The following ITPK1 variants were observed in gnomAD, a reference collection of about 807,000 sequenced individuals.
ITPK1 encodes inositol 1,3,4-trisphosphate 5/6-kinase.
Under a neutral mutation model 45.3 loss-of-function variants are expected in ITPK1, and 21 were observed. The ratio of observed to expected loss-of-function variants is 0.46; its 90% CI spans 0.33 to 0.67. The LOEUF is 0.67. ITPK1 is among the 30% of genes least tolerant of loss of function. The pLI is 0.02. For missense variants in ITPK1, 474 were observed against 573.5 expected (o/e 0.83, Z 1.77); for synonymous variants, 258 against 253.6 (o/e 1.02, Z -0.16).
intron 4 of ITPK1, among the ~76,000 whole-genome samples, chr14:93,013,161 C>T (rs1363517542): frequency 6.6e-6 from 1 of 152,228 alleles, no homozygotes; most frequent in Non-Finnish European, 1.5e-5. Context: ...AGAACCAAAC[C>T]TCAGGCAGAG....
chr14:93,103,981 G>T (rs929856047), intron 2 of ITPK1, among the ~76,000 whole-genome samples: 1 of 152,212 alleles, frequency 6.6e-6, no homozygotes, highest in Non-Finnish European at 1.5e-5. Flanking sequence ...GAGGCCCCAG[G>T]CCCTGCCTTG....
intron 4 of ITPK1, among the ~76,000 whole-genome samples, chr14:93,000,685 G>C (rs1259563767): frequency 6.6e-6 from 1 of 152,188 alleles, no homozygotes; most frequent in African/African-American, 2.4e-5. Context: ...TAGTGAACTC[G>C]ACATATCACT....
At chr14:92,975,255 C>T (rs754154106) in intron 5 of ITPK1, among the ~76,000 whole-genome samples, 1 of 152,378 alleles carries the variant, frequency 6.6e-6, no homozygotes, top group Non-Finnish European at 1.5e-5. Context: ...GAGCCTTGCT[C>T]GGTTTCTCAA....
At chr14:92,981,682 T>C (rs1028091980) in intron 5 of ITPK1, among the ~76,000 whole-genome samples, 2 of 152,202 alleles carry the variant, frequency 1.3e-5, no homozygotes, top group African/African-American at 4.8e-5. Context: ...CCCTGACCTG[T>C]CATGGTCCCC....
intron 2 of ITPK1, among the ~76,000 whole-genome samples, chr14:93,112,033 G>A (rs75529505): frequency 0.029 from 4,383 of 151,976 alleles, 106 homozygotes; most frequent in Admixed American, 0.083. Flanking sequence ...TGCCATCAAC[G>A]TGCACTACCC....
chr14:93,091,427 G>T (rs183216446), intron 2 of ITPK1, among the ~76,000 whole-genome samples: 220 of 152,250 alleles, frequency 1.4e-3, no homozygotes, highest in African/African-American at 5.0e-3. Flanking sequence ...AGCTGGCCTC[G>T]GGCTCTTCCC....
intron 10 of ITPK1, among the ~76,000 whole-genome samples, 164 bp from the exon 11 acceptor site, chr14:92,942,068 T>C (rs1327548273): frequency 6.6e-6 from 1 of 152,150 alleles, no homozygotes; most frequent in Non-Finnish European, 1.5e-5. Context: ...TAAGGGGGGC[T>C]GAGGGGAGTC....
At chr14:93,083,720 C>G (rs981375342) in intron 2 of ITPK1, among the ~76,000 whole-genome samples, 1 of 152,164 alleles carries the variant, frequency 6.6e-6, no homozygotes, top group East Asian at 1.9e-4. Context: ...AAACAGATGA[C>G]TAAGCCCCGT....
rs142183292 is a variant in ITPK1, at chr14:93,048,370, G to A, written c.120+28225C>T. Among the ~76,000 whole-genome samples, 35 of 152,344 alleles carry A rather than the reference G, an allele frequency of 2.3e-4. 1 individual carries two copies. In the East Asian group the frequency reaches 6.7e-3, roughly 29 times the overall value. ...CAACAAGCTCAGAATCATGAGTGAA[G>A]ATGTGTCTGGTTTTAAGTGGTGACT... On this transcript the variant is annotated intron_variant, in intron 3 of 10. Coordinates refer to ENST00000267615, the MANE Select transcript of ITPK1 (RefSeq NM_014216.6).
intron 2 of ITPK1, among the ~76,000 whole-genome samples, chr14:93,105,312 C>T (rs914318522): frequency 4.6e-5 from 7 of 152,190 alleles, no homozygotes; most frequent in Non-Finnish European, 2.9e-5. Context: ...CTGCTTCAGC[C>T]TTGGCTAACT....
intron 3 of ITPK1, among the ~76,000 whole-genome samples, chr14:93,044,486 T>C (rs1472855787): frequency 2.0e-5 from 3 of 152,142 alleles, no homozygotes; most frequent in Non-Finnish European, 4.4e-5. Context: ...TGCTTGGCTG[T>C]GAAGCTGGTG....
At chr14:93,084,012 C>T (rs1246583461) in intron 2 of ITPK1, among the ~76,000 whole-genome samples, 3 of 152,240 alleles carry the variant, frequency 2.0e-5, no homozygotes, top group African/African-American at 7.2e-5. Context: ...TGTGTTGTCC[C>T]TGCCCCCAGT....
At chr14:93,089,717 A>G (rs1424222128) in intron 2 of ITPK1, among the ~76,000 whole-genome samples, 1 of 152,148 alleles carries the variant, frequency 6.6e-6, no homozygotes, top group Non-Finnish European at 1.5e-5. Flanking sequence ...CAGTGCCAAG[A>G]GTCAGTCTCA....
At chr14:92,982,386 G>C (rs1358074665) in intron 5 of ITPK1, among the ~76,000 whole-genome samples, 1 of 152,158 alleles carries the variant, frequency 6.6e-6, no homozygotes, top group African/African-American at 2.4e-5. Flanking sequence ...GAGATTCAAA[G>C]CACAAGGAGA....
At chr14:93,064,928 C>T (rs976095512) in intron 3 of ITPK1, among the ~76,000 whole-genome samples, 1 of 152,132 alleles carries the variant, frequency 6.6e-6, no homozygotes. Context: ...GGAAAAGTCA[C>T]GATGAGTGTG....
rs1044617319 is a variant in ITPK1, at chr14:93,016,835, C to A, written c.121-34G>T. ...CAGGGAACACAGACAAAAGCAACAACTTCAGCACCTGAGTCCACTGCCCCC... is the reference window on the plus strand; with the variant it reads ...CAGGGAACACAGACAAAAGCAACAAATTCAGCACCTGAGTCCACTGCCCCC... On this transcript the variant is annotated intron_variant, in intron 3 of 10. Transcript: ENST00000267615. This position sits in a 1 kb window ranked among gnomAD's most constrained non-coding sequence, Gnocchi z 5.0. The A allele has an allele frequency of 6.2e-7, 1 of 1,610,876 alleles. No homozygotes were observed. The highest frequency in any genetic ancestry group is 1.1e-5 in the South Asian group (1 of 90,876).
intron 2 of ITPK1, among the ~76,000 whole-genome samples, chr14:93,107,222 T>A (rs186620791): frequency 6.6e-6 from 1 of 152,196 alleles, no homozygotes; most frequent in African/African-American, 2.4e-5. Context: ...CCTCCCAAAG[T>A]GCTGGGATTA....
chr14:92,943,727 G>A (rs548581712), intron 10 of ITPK1, among the ~76,000 whole-genome samples: 39 of 152,352 alleles, frequency 2.6e-4, no homozygotes, highest in Middle Eastern at 3.4e-3. Context: ...CTCGGGGAGC[G>A]GACTGAGGCA....
At position 92,954,174 on chromosome 14, in the gene ITPK1, C is replaced by G. The variant is rs181650105; in HGVS notation, c.671-2161G>C. 2.2e-3 allele frequency among the ~76,000 whole-genome samples: 341 copies of G among 152,332 alleles called. 3 individuals carry two copies. The highest frequency in any genetic ancestry group is 8.0e-3 in the African/African-American group (333 of 41,576). On this transcript the variant is annotated intron_variant, in intron 8 of 10. Coordinates refer to ENST00000267615, the MANE Select transcript of ITPK1 (RefSeq NM_014216.6). ...CCTCCCAAAGTGCTGGGGATATAGG[C>G]ATGAGCCACCGCACCTGGCCCTTCT...
Sources: allele counts gnomAD v4.1 joint callset (sites outside exome capture counted in the v4.1 genomes callset), GRCh38; gene constraint gnomAD v4.1.1; non-coding constraint Gnocchi (gnomAD v3.1); transcripts MANE v1.5; gene names NCBI Gene and HGNC (gene_info 2026-07-23, HGNC 2026-07-21).